ZNF891: variants seen among roughly 807,000 people sequenced by gnomAD.
ZNF891 encodes hCG1646157.
For synonymous variants in ZNF891, 199 were observed against 209.0 expected, an observed-to-expected ratio of 0.95 and a Z score of 0.41; for missense variants, 589 against 632.7, an observed-to-expected ratio of 0.93 and a Z score of 0.74.
rs1313416589 is a variant in ZNF891 at position 133,117,668 on chromosome 12, AGT to A, written c.*2614_*2615del. ...TCACATTAGAATTCAAACATGTTCT[AGT>A]TTTTCATATTTTAAACATATTATCT... On this transcript the variant is annotated 3_prime_UTR_variant, in exon 2 of 2. Coordinates refer to ENST00000537226, the MANE Select transcript of ZNF891 (RefSeq NM_001277291.2). The A allele has an allele frequency of 2.0e-5, 3 of 152,230 alleles. No homozygotes were observed. Among genetic ancestry groups the A allele is most frequent in the Non-Finnish European group, 4.4e-5 (3 of 68,044 alleles). The allele number at this position is 152,230 out of a possible 1,614,324, so 9.4% of individuals were successfully genotyped here.
At position 133,105,810 on chromosome 12, in the gene ZNF891, T is replaced by A; in HGVS notation, c.*14474A>T. ...TTTGGTCGACGCTTTTCCCTGGTGT[T>A]ACACCAGAGGACTCATACTGGAGAG... On this transcript the variant is annotated 3_prime_UTR_variant, in exon 2 of 2. Transcript: ENST00000537226. 6.2e-7 allele frequency: 1 copy of A among 1,614,174 alleles called. No individual in the cohort carries two copies. The highest frequency in any genetic ancestry group is 8.5e-7 in the Non-Finnish European group (1 of 1,180,034).
rs1398549765 is a variant in ZNF891, at chr12:133,105,791, C to A, written c.*14493G>T. 6.2e-7 allele frequency: 1 copy of A among 1,613,946 alleles called. No homozygotes were observed. The highest frequency in any genetic ancestry group is 8.5e-7 in the Non-Finnish European group (1 of 1,180,034). Reference sequence around the variant, plus strand: ...CCATGAATGTGGAAAAACTTTTGGTCGACGCTTTTCCCTGGTGTTACACCA... The same window carrying A: ...CCATGAATGTGGAAAAACTTTTGGTAGACGCTTTTCCCTGGTGTTACACCA... On this transcript the variant is annotated 3_prime_UTR_variant, in exon 2 of 2. Transcript: ENST00000537226.
chr12:133,120,224 GACAAGGA>G lies in ZNF891; in HGVS notation c.*53_*59del. On this transcript the variant is annotated 3_prime_UTR_variant, in exon 2 of 2. Transcript: ENST00000537226. ...CGTTCTTTTAGAGAACAAAGACTGA[GACAAGGA>G]GCTTGGAATCCACCTTAAGACAATG... 1 of 1,343,124 alleles carries G rather than the reference GACAAGGA, an allele frequency of 7.4e-7. No homozygotes were observed. The highest frequency in any genetic ancestry group is 2.6e-5 in the Admixed American group (1 of 37,776). 83.2% of individuals were successfully genotyped at this position (1,343,124 alleles called of 1,614,324 possible). A position where few individuals can be genotyped will look rare whatever the true frequency, so the allele number is the denominator to read the frequency against.
In ZNF891 at chr12:133,105,612, C is replaced by T. The variant is rs201002553; in HGVS notation, c.*14672G>A. On this transcript the variant is annotated 3_prime_UTR_variant, in exon 2 of 2. Coordinates refer to ENST00000537226, the MANE Select transcript of ZNF891 (RefSeq NM_001277291.2). ...ATGGAAAGAATTCTAAGTCAAGGCCCTGTGTATTCCAGTTTTAAAGGAGGC... is the reference window on the plus strand; with the variant it reads ...ATGGAAAGAATTCTAAGTCAAGGCCTTGTGTATTCCAGTTTTAAAGGAGGC... 5,682 of 1,614,084 alleles carry T rather than the reference C, an allele frequency of 3.5e-3. 233 individuals carry two copies. In the Admixed American group the frequency reaches 0.08, roughly 23 times the overall value.
Position 133,120,349 on chromosome 12 carries a change from C to T in ZNF891, c.1570G>A (p.Ala524Thr). 1 of 1,580,188 alleles carries T rather than the reference C, an allele frequency of 6.3e-7. No individual in the cohort carries two copies. The highest frequency in any genetic ancestry group is 8.6e-7 in the Non-Finnish European group (1 of 1,165,210). ...KPYECIQCGK[A>T]FSQSSSLIIH... ...ATAAGTGAAGAGCTCTGACTGAAGG[C>T]TTTTCCACATTGAATACATTCATAG... Residue 524 changes from alanine to threonine, a missense_variant, in exon 2 of 2, where the codon GCC becomes ACC. Coordinates refer to ENST00000537226, the MANE Select transcript of ZNF891 (RefSeq NM_001277291.2).
chr12:133,115,991 A>G lies in ZNF891; in HGVS notation c.*4293T>C, dbSNP rs932999412. Reference sequence around the variant, plus strand: ...CAGATTTTCAGATTTGAGATGCTCAATCTGTTCCAAGATCACTGGGCCAAA... The same window carrying G: ...CAGATTTTCAGATTTGAGATGCTCAGTCTGTTCCAAGATCACTGGGCCAAA... On this transcript the variant is annotated 3_prime_UTR_variant, in exon 2 of 2. Coordinates refer to ENST00000537226, the MANE Select transcript of ZNF891 (RefSeq NM_001277291.2). 7.9e-5 allele frequency: 12 copies of G among 152,154 alleles called. No homozygotes were observed. Among genetic ancestry groups the G allele is most frequent in the Admixed American group, 2.0e-4 (3 of 15,266 alleles). 9.4% of individuals were successfully genotyped at this position (152,154 alleles called of 1,614,324 possible).
intron 1 of ZNF891, among the ~76,000 whole-genome samples, chr12:133,129,177 C>T (rs1467966022): frequency 6.6e-6 from 1 of 152,008 alleles, no homozygotes; most frequent in African/African-American, 2.4e-5. Context: ...AGAATACGAA[C>T]TAAAAAACCT....
In ZNF891 at chr12:133,110,374, A is replaced by G. The variant is rs1352234973; in HGVS notation, c.*9910T>C. The stretch of plus-strand genomic sequence containing the variant: ...ATGCCTTTATGTATTATTCTTCAGG[A>G]AAAAAAAGTTTTTTAAAAGAAGTCT... On this transcript the variant is annotated 3_prime_UTR_variant, in exon 2 of 2. Coordinates refer to ENST00000537226, the MANE Select transcript of ZNF891 (RefSeq NM_001277291.2). 1 of 152,072 alleles carries G rather than the reference A, an allele frequency of 6.6e-6. No individual in the cohort carries two copies. The highest frequency in any genetic ancestry group is 2.4e-5 in the African/African-American group (1 of 41,412). 9.4% of individuals were successfully genotyped at this position (152,072 alleles called of 1,614,324 possible).
chr12:133,116,304 T>TCA lies in ZNF891; in HGVS notation c.*3978_*3979dup, dbSNP rs1362757103. The TCA allele has an allele frequency of 6.6e-6, 1 of 152,178 alleles. No homozygotes were observed. Among genetic ancestry groups the TCA allele is most frequent in the Non-Finnish European group, 1.5e-5 (1 of 68,104 alleles). 9.4% of individuals were successfully genotyped at this position (152,178 alleles called of 1,614,324 possible). A position where few individuals can be genotyped will look rare whatever the true frequency, so the allele number is the denominator to read the frequency against. ...TATTTTTAGTAGAGACGAGGTTTCATCATGTTAGCCAGGATGGTCTCAATC... is the reference window on the plus strand; with the variant it reads ...TATTTTTAGTAGAGACGAGGTTTCATCACATGTTAGCCAGGATGGTCTCAATC... On this transcript the variant is annotated 3_prime_UTR_variant, in exon 2 of 2. Transcript: ENST00000537226.
rs1955585321 is a variant in ZNF891, at chr12:133,106,158, C to T, written c.*14126G>A. 1.2e-6 allele frequency: 2 copies of T among 1,614,052 alleles called. No homozygotes were observed. The highest frequency in any genetic ancestry group is 1.7e-5 in the Admixed American group (1 of 59,998). ...TCAGAACTCATTCGCCACCAGATTACACATACTGGAGAGAAACCTTATGAA... is the reference window on the plus strand; with the variant it reads ...TCAGAACTCATTCGCCACCAGATTATACATACTGGAGAGAAACCTTATGAA... On this transcript the variant is annotated 3_prime_UTR_variant, in exon 2 of 2. Coordinates refer to ENST00000537226, the MANE Select transcript of ZNF891 (RefSeq NM_001277291.2).
In ZNF891 at chr12:133,120,718, C is replaced by T. The variant is rs1419128156; in HGVS notation, c.1201G>A (p.Glu401Lys). The stretch of plus-strand genomic sequence containing the variant: ...CACTGATTACATTCATAAGGTTTCT[C>T]TCCAGTGTGAGTTCTCATGTGAGCC... The part of the protein sequence containing the change: ...LKAHMRTHTG[E>K]KPYECNQCGK... Residue 401 changes from glutamate to lysine, a missense_variant, in exon 2 of 2, where the codon GAG becomes AAG. By Grantham distance (56) the Glu-to-Lys change is moderately conservative. Coordinates refer to ENST00000537226, the MANE Select transcript of ZNF891 (RefSeq NM_001277291.2). 1.9e-6 allele frequency: 3 copies of T among 1,566,660 alleles called. No homozygotes were observed. The highest frequency in any genetic ancestry group is 2.3e-5 in the South Asian group (2 of 85,560).
chr12:133,105,572 T>C lies in ZNF891; in HGVS notation c.*14712A>G, dbSNP rs1437665822. 1 of 1,614,126 alleles carries C rather than the reference T, an allele frequency of 6.2e-7. No individual in the cohort carries two copies. Among genetic ancestry groups the C allele is most frequent in the Admixed American group, 1.7e-5 (1 of 60,014 alleles). On this transcript the variant is annotated 3_prime_UTR_variant, in exon 2 of 2. Transcript: ENST00000537226. ...AAAAAATGTCATTTATGATGACTCA[T>C]CCCAGTATTTGATCATGGAAAGAAT...
At chr12:133,127,979 T>G (rs190672712) in intron 1 of ZNF891, among the ~76,000 whole-genome samples, 94 of 152,008 alleles carry the variant, frequency 6.2e-4, no homozygotes, top group Admixed American at 1.8e-3. Context: ...TACTAAAGAG[T>G]AGTCATCAAA....
chr12:133,124,777 C>T (rs1028303383), intron 1 of ZNF891, among the ~76,000 whole-genome samples: 4 of 145,852 alleles, frequency 2.7e-5, no homozygotes, highest in African/African-American at 7.5e-5. Context: ...CTTTAGCATA[C>T]GATTGAATTC....
rs1272427138 is a variant in ZNF891 at position 133,121,829 on chromosome 12, C to T, written c.90G>A (p.Met30Ile). The change falls in exon 2 of 2, where the codon ATG becomes ATA. Residue 30 changes from methionine (M) to isoleucine (I), a missense_variant. Coordinates refer to ENST00000537226, the MANE Select transcript of ZNF891 (RefSeq NM_001277291.2). Reference protein sequence around the residue: ...FHLRNAEEERMIAVFLTTWLQ... With the variant: ...FHLRNAEEERIIAVFLTTWLQ... ...ACCAGGTTGTCAGAAATACAGCAATCATCCTTTCCTCTTCAGCATTTCTCA... is the reference window on the plus strand; with the variant it reads ...ACCAGGTTGTCAGAAATACAGCAATTATCCTTTCCTCTTCAGCATTTCTCA... 1 of 1,536,714 alleles carries T rather than the reference C, an allele frequency of 6.5e-7. No homozygotes were observed.
At position 133,105,880 on chromosome 12, in the gene ZNF891, T is replaced by C. The variant is rs1955572994; in HGVS notation, c.*14404A>G. 2 of 1,613,950 alleles carry C rather than the reference T, an allele frequency of 1.2e-6. No individual in the cohort carries two copies. Among genetic ancestry groups the C allele is most frequent in the Non-Finnish European group, 1.7e-6 (2 of 1,180,008 alleles). ...AATGTGGCAAAACCTTTAGCCAGAT[T>C]TCAAACCTTGTGAAACACCAAATGA... On this transcript the variant is annotated 3_prime_UTR_variant, in exon 2 of 2. Coordinates refer to ENST00000537226, the MANE Select transcript of ZNF891 (RefSeq NM_001277291.2).
rs1182283924 is a variant in ZNF891 at position 133,106,112 on chromosome 12, G to A, written c.*14172C>T. ...GAAACAATATATATGTAGGAAATGT[G>A]GTAAAGCATTTAGCAGTGGCTCAGA... On this transcript the variant is annotated 3_prime_UTR_variant, in exon 2 of 2. Coordinates refer to ENST00000537226, the MANE Select transcript of ZNF891 (RefSeq NM_001277291.2). 5 of 1,613,970 alleles carry A rather than the reference G, an allele frequency of 3.1e-6. No individual in the cohort carries two copies. Among genetic ancestry groups the A allele is most frequent in the Non-Finnish European group, 4.2e-6 (5 of 1,180,016 alleles).
chr12:133,113,709 G>C lies in ZNF891; in HGVS notation c.*6575C>G, dbSNP rs1000803356. ...AGCTTTGGACATTTATTGCTTTACTGTCCCAAGTTTTTTTTGGTTTGTTTT... is the reference window on the plus strand; with the variant it reads ...AGCTTTGGACATTTATTGCTTTACTCTCCCAAGTTTTTTTTGGTTTGTTTT... On this transcript the variant is annotated 3_prime_UTR_variant, in exon 2 of 2. Transcript: ENST00000537226. 7.2e-6 allele frequency: 1 copy of C among 139,704 alleles called. No individual in the cohort carries two copies. The highest frequency in any genetic ancestry group is 1.6e-5 in the Non-Finnish European group (1 of 62,950). The allele number at this position is 139,704 out of a possible 1,614,324, so 8.7% of individuals were successfully genotyped here.
chr12:133,108,399 A>T lies in ZNF891; in HGVS notation c.*11885T>A, dbSNP rs1465517582. On this transcript the variant is annotated 3_prime_UTR_variant, in exon 2 of 2. Coordinates refer to ENST00000537226, the MANE Select transcript of ZNF891 (RefSeq NM_001277291.2). ...TGAAAAATTCATTATTTATTTATTT[A>T]AGAGTATACTCAATTTCTCCCATTA... 1 of 151,962 alleles carries T rather than the reference A, an allele frequency of 6.6e-6. No homozygotes were observed. Among genetic ancestry groups the T allele is most frequent in the Non-Finnish European group, 1.5e-5 (1 of 67,980 alleles). The allele number at this position is 151,962 out of a possible 1,614,324, so 9.4% of individuals were successfully genotyped here.
Sources: allele counts gnomAD v4.1 joint callset (sites outside exome capture counted in the v4.1 genomes callset), GRCh38; gene constraint gnomAD v4.1.1; transcripts MANE v1.5; gene names NCBI Gene and HGNC (gene_info 2026-07-23, HGNC 2026-07-21).